The following CLEC16A variants were observed in gnomAD, a reference collection of about 807,000 sequenced individuals.
CLEC16A encodes the protein C-type lectin domain containing 16A.
A neutral mutation model predicts 109.5 loss-of-function variants in CLEC16A; 51 were observed. The observed-to-expected ratio is 0.47, with a 90% CI of 0.37 to 0.59. CLEC16A has a LOEUF of 0.59. Ranked by LOEUF, CLEC16A falls within the 20% of genes least tolerant of loss-of-function variation. The pLI is 0.00. For synonymous variants in CLEC16A, 673 were observed against 564.2 expected, an observed-to-expected ratio of 1.19 and a Z score of -2.73; for missense variants, 1,339 against 1,394.0, an observed-to-expected ratio of 0.96 and a Z score of 0.63.
chr16:10,972,447 C>G lies in CLEC16A; in HGVS notation c.599-107C>G, dbSNP rs982096223. The G allele has an allele frequency of 4.2e-6, 4 of 957,942 alleles. No homozygotes were observed. The African/African-American group carries it at 6.5e-5, about 15-fold the overall frequency. 59.3% of individuals were successfully genotyped at this position (957,942 alleles called of 1,614,324 possible). On this transcript the variant is annotated intron_variant, in intron 5 of 23. Coordinates refer to ENST00000409790, the MANE Select transcript of CLEC16A (RefSeq NM_015226.3). ...CTGTGCAGATGCCTCCCACCCTAGT[C>G]TCTCTCCCTCTGAGCAGCTCTCTCA...
At chr16:10,999,417 A>G (rs16957899) in intron 10 of CLEC16A, among the ~76,000 whole-genome samples, 27,966 of 152,144 alleles carry the variant, frequency 0.18, 2,813 homozygotes, top group South Asian at 0.3. Context: ...ACCATCACGT[A>G]TAGCCTTTGA....
At chr16:10,974,433 T>C (rs1414130797) in intron 7 of CLEC16A, among the ~76,000 whole-genome samples, 1 of 152,248 alleles carries the variant, frequency 6.6e-6, no homozygotes, top group East Asian at 1.9e-4. Flanking sequence ...CCCTTGGCTC[T>C]ATTGACCTCT....
intron 22 of CLEC16A, among the ~76,000 whole-genome samples, chr16:11,158,601 A>C (rs1171114636): frequency 6.6e-6 from 1 of 152,174 alleles, no homozygotes; most frequent in Non-Finnish European, 1.5e-5. Flanking sequence ...GGAGGCCCCA[A>C]GGTATGACAG....
intron 13 of CLEC16A, among the ~76,000 whole-genome samples, chr16:11,025,371 G>C (rs141775491): frequency 6.6e-6 from 1 of 152,288 alleles, no homozygotes; most frequent in African/African-American, 2.4e-5. Context: ...GGAAGCATAG[G>C]TTTCCTTTCT....
rs529671658 is a variant in CLEC16A at position 11,174,352 on chromosome 16, G to A, written c.2807-3983G>A. On this transcript the variant is annotated intron_variant, in intron 23 of 23. Coordinates refer to ENST00000409790, the MANE Select transcript of CLEC16A (RefSeq NM_015226.3). This position sits in a 1 kb window ranked among gnomAD's most constrained non-coding sequence, Gnocchi z 4.7. ...TGCATTTCCACAGTCGGCAGGGTCC[G>A]CGCTGGCAAGGTGGGCCAAGCTGGG... 67 of 400,064 alleles carry A rather than the reference G, an allele frequency of 1.7e-4. 1 individual carries two copies. Among genetic ancestry groups the A allele is most frequent in the South Asian group, 4.7e-4 (27 of 57,618 alleles). 24.8% of individuals were successfully genotyped at this position (400,064 alleles called of 1,614,324 possible). A position where few individuals can be genotyped will look rare whatever the true frequency, so the allele number is the denominator to read the frequency against.
In CLEC16A at chr16:11,103,441, G is replaced by A. The variant is rs193022909; in HGVS notation, c.2117-17174G>A. On this transcript the variant is annotated intron_variant, in intron 19 of 23. Coordinates refer to ENST00000409790, the MANE Select transcript of CLEC16A (RefSeq NM_015226.3). ...CTGAAAATACAAAAATTAGCCAGGC[G>A]TGGTGGCGCATGCCTGTTGTCCTAG... Among the ~76,000 whole-genome samples, 548 of 152,270 alleles carry A rather than the reference G, an allele frequency of 3.6e-3. 3 individuals carry two copies. Among genetic ancestry groups the A allele is most frequent in the Non-Finnish European group, 4.6e-3 (314 of 68,032 alleles).
Position 11,110,683 on chromosome 16 carries a change from C to G in CLEC16A, c.2117-9932C>G, listed in dbSNP as rs757794731. On this transcript the variant is annotated intron_variant, in intron 19 of 23. Coordinates refer to ENST00000409790, the MANE Select transcript of CLEC16A (RefSeq NM_015226.3). The stretch of plus-strand genomic sequence containing the variant: ...CCACTTCTGACAATGACCACCATAG[C>G]TTGCCTCTGTGATGCATGCTGGGCA... Among the ~76,000 whole-genome samples the G allele has an allele frequency of 1.6e-4, 25 of 152,172 alleles. 1 individual carries two copies. The highest frequency in any genetic ancestry group is 1.2e-3 in the Admixed American group (18 of 15,284).
chr16:10,963,968 G>A (rs556763576), intron 3 of CLEC16A, among the ~76,000 whole-genome samples: 12 of 152,344 alleles, frequency 7.9e-5, no homozygotes, highest in African/African-American at 2.6e-4. Flanking sequence ...AATCCTCCAC[G>A]CTAGACTGCT....
chr16:11,179,956 A>C lies in CLEC16A; in HGVS notation c.*1266A>C, dbSNP rs1405701134. On this transcript the variant is annotated 3_prime_UTR_variant, in exon 24 of 24. Transcript: ENST00000409790. ...TCTACTCGGCCAGCTCGGGAGCCAGACACAGCACTCACAGCCCAGGCCGTG... is the reference window on the plus strand; with the variant it reads ...TCTACTCGGCCAGCTCGGGAGCCAGCCACAGCACTCACAGCCCAGGCCGTG... 6.5e-6 allele frequency: 1 copy of C among 153,054 alleles called. No individual in the cohort carries two copies. The highest frequency in any genetic ancestry group is 2.4e-5 in the African/African-American group (1 of 41,482). 9.5% of individuals were successfully genotyped at this position (153,054 alleles called of 1,614,324 possible).
intron 19 of CLEC16A, among the ~76,000 whole-genome samples, chr16:11,118,717 C>T (rs1013687277): frequency 6.6e-6 from 1 of 152,150 alleles, no homozygotes; most frequent in African/African-American, 2.4e-5. Context: ...TTGCATAGAC[C>T]AATGTCCAGA....
At chr16:10,988,755 T>G (rs1305821794) in intron 10 of CLEC16A, among the ~76,000 whole-genome samples, 2 of 152,090 alleles carry the variant, frequency 1.3e-5, no homozygotes, top group African/African-American at 4.8e-5. Context: ...TACTAGGTGT[T>G]CCCGGGCCTC....
intron 10 of CLEC16A, among the ~76,000 whole-genome samples, chr16:10,997,473 CTT>C (rs2044398374): frequency 1.3e-5 from 2 of 152,194 alleles, no homozygotes; most frequent in African/African-American, 4.8e-5. Context: ...ACCATCCTAA[CTT>C]ATAAACTTGC....
At chr16:11,022,576 T>G (rs1392319931) in intron 12 of CLEC16A, among the ~76,000 whole-genome samples, 1 of 151,970 alleles carries the variant, frequency 6.6e-6, no homozygotes, top group Non-Finnish European at 1.5e-5. Flanking sequence ...CCCCATATAT[T>G]ATGGGCTCTG....
rs962482634 is a variant in CLEC16A at position 11,003,970 on chromosome 16, CA to C, written c.1303+684del. 7.5e-3 allele frequency among the ~76,000 whole-genome samples: 434 copies of C among 57,988 alleles called. 2 individuals carry two copies. Among genetic ancestry groups the C allele is most frequent in the African/African-American group, 0.015 (254 of 16,916 alleles). 38.0% of individuals were successfully genotyped at this position (57,988 alleles called of 152,430 possible). ...CCAACATGACGAGATCCTGTCTCTA[CA>C]AAAAAAAAAAAAAAAAAAGTGTTTA... On this transcript the variant is annotated intron_variant, in intron 11 of 23. Transcript: ENST00000409790.
intron 19 of CLEC16A, among the ~76,000 whole-genome samples, chr16:11,114,937 T>A (rs2051871342): frequency 6.6e-6 from 1 of 152,238 alleles, no homozygotes; most frequent in Non-Finnish European, 1.5e-5. Context: ...TGGCCGCATT[T>A]TAGTTTTCTT....
chr16:11,170,969 G>T (rs547812684), intron 23 of CLEC16A, among the ~76,000 whole-genome samples: 1 of 152,214 alleles, frequency 6.6e-6, no homozygotes, highest in Non-Finnish European at 1.5e-5. Flanking sequence ...GCCCTGGTCC[G>T]TGAGGAAGGT....
At chr16:11,155,048 G>T (rs921216629) in intron 22 of CLEC16A, among the ~76,000 whole-genome samples, 3 of 152,144 alleles carry the variant, frequency 2.0e-5, no homozygotes, top group African/African-American at 7.2e-5. Flanking sequence ...AGCTGAGCCT[G>T]GCGAGGTCAA....
rs778741342 is a variant in CLEC16A, at chr16:11,174,483, G to A, written c.2807-3852G>A. ...CACCTCATGTGAAGACCAGATCCCC[G>A]GCCCTTGACCTTCGCGACAGTCCTT... On this transcript the variant is annotated intron_variant, in intron 23 of 23. Transcript: ENST00000409790. This position sits in a 1 kb window ranked among gnomAD's most constrained non-coding sequence, Gnocchi z 4.7. 4.6e-5 allele frequency among the ~76,000 whole-genome samples: 7 copies of A among 152,182 alleles called. No homozygotes were observed. Among genetic ancestry groups the A allele is most frequent in the Non-Finnish European group, 7.3e-5 (5 of 68,028 alleles).
At chr16:11,089,534 A>G (rs925866866) in intron 19 of CLEC16A, among the ~76,000 whole-genome samples, 3 of 152,258 alleles carry the variant, frequency 2.0e-5, no homozygotes, top group African/African-American at 7.2e-5. Flanking sequence ...GAAGCTGCCC[A>G]TCAAACCTCC....
Sources: gnomAD v4.1 joint callset for allele counts (sites outside exome capture counted in the v4.1 genomes callset) on GRCh38, gnomAD v4.1.1 for gene constraint, Gnocchi (gnomAD v3.1) non-coding constraint, MANE v1.5 for transcripts, NCBI Gene and HGNC (gene_info 2026-07-23, HGNC 2026-07-21) for gene names.